The following NIBAN1 variants were observed in gnomAD, a reference collection of about 807,000 sequenced individuals.
The protein encoded by NIBAN1 is niban apoptosis regulator 1, also known as protein Niban 1.
NIBAN1 carries 81 observed loss-of-function variants against 75.1 expected under a neutral mutation model. That is an observed-to-expected ratio of 1.08 (90% CI 0.90 to 1.30). The LOEUF (loss-of-function observed/expected upper bound fraction) is 1.30. Ranked by LOEUF, NIBAN1 falls within the 50% of genes most tolerant of loss-of-function variation. The pLI is 0.00. For missense variants in NIBAN1, 1,133 were observed against 1,128.1 expected, an observed-to-expected ratio of 1.00 and a Z score of -0.06; for synonymous variants, 436 against 424.8, an observed-to-expected ratio of 1.03 and a Z score of -0.32.
At chr1:184,843,616 C>T (rs1384984678) in intron 5 of NIBAN1, among the ~76,000 whole-genome samples, 1 of 152,184 alleles carries the variant, frequency 6.6e-6, no homozygotes, top group Non-Finnish European at 1.5e-5. Flanking sequence ...AACAATGACA[C>T]AATCAATTAT....
chr1:184,894,004 G>A (rs1369780065), intron 3 of NIBAN1, 71 bp downstream of exon 3: 1 of 1,474,372 alleles, frequency 6.8e-7, no homozygotes, highest in Non-Finnish European at 9.1e-7. Context: ...GGAAGGAGAG[G>A]GCACACCAAT....
At chr1:184,913,322 GATC>G (rs906149958) in intron 1 of NIBAN1, among the ~76,000 whole-genome samples, 16 of 151,914 alleles carry the variant, frequency 1.1e-4, no homozygotes, top group African/African-American at 3.9e-4. Context: ...TATCATAGGA[GATC>G]ATCATTTACA....
At chr1:184,884,326 T>G (rs1327150880) in intron 5 of NIBAN1, among the ~76,000 whole-genome samples, 1 of 146,962 alleles carries the variant, frequency 6.8e-6, no homozygotes, top group East Asian at 2.1e-4. Context: ...CGGGTTCAAG[T>G]AATTCTCCTG....
intron 1 of NIBAN1, among the ~76,000 whole-genome samples, chr1:184,902,497 T>A (rs1394571305): frequency 1.3e-5 from 2 of 152,180 alleles, no homozygotes; most frequent in African/African-American, 4.8e-5. Context: ...AAAATGATGA[T>A]GATAATGGTG....
chr1:184,902,214 C>CGCTCT (rs1031272177), intron 1 of NIBAN1, among the ~76,000 whole-genome samples: 3 of 151,950 alleles, frequency 2.0e-5, no homozygotes, highest in Non-Finnish European at 2.9e-5. Context: ...GCCTGGGAAA[C>CGCTCT]AGAGCAAGAC....
chr1:184,893,314 T>G (rs1002975547), intron 3 of NIBAN1, among the ~76,000 whole-genome samples: 16 of 152,292 alleles, frequency 1.1e-4, no homozygotes, highest in African/African-American at 3.6e-4. Flanking sequence ...ATGGCACAAC[T>G]TGACCTAACC....
At chr1:184,833,991 A>G (rs913525359) in intron 5 of NIBAN1, among the ~76,000 whole-genome samples, 1 of 151,616 alleles carries the variant, frequency 6.6e-6, no homozygotes, top group Non-Finnish European at 1.5e-5. Context: ...TATTTCTCCT[A>G]ATGTTATCCC....
chr1:184,904,331 AT>A (rs973587317), intron 1 of NIBAN1, among the ~76,000 whole-genome samples: 2 of 151,918 alleles, frequency 1.3e-5, no homozygotes, highest in African/African-American at 4.8e-5. Context: ...CCCACCCTAA[AT>A]TTTTTTTCTT....
intron 5 of NIBAN1, among the ~76,000 whole-genome samples, chr1:184,836,916 T>C (rs941192088): frequency 2.6e-5 from 4 of 152,270 alleles, no homozygotes; most frequent in African/African-American, 9.6e-5. Flanking sequence ...CATTGTAAGT[T>C]GCTTTATATA....
intron 5 of NIBAN1, among the ~76,000 whole-genome samples, chr1:184,871,219 T>C (rs1265797544): frequency 2.0e-5 from 3 of 151,796 alleles, no homozygotes; most frequent in Non-Finnish European, 1.5e-5. Flanking sequence ...TGGTGGTGTG[T>C]GCCTGTAATC....
rs561555517 is a variant in NIBAN1 at position 184,819,449 on chromosome 1, G to A, written c.986-624C>T. ...AAAATGTAGAATACATTTTGATCAC[G>A]AAGAAGAATGAAAAAATGCCACTAT... On this transcript the variant is annotated intron_variant, in intron 8 of 13. Transcript: ENST00000367511. 2.0e-5 allele frequency among the ~76,000 whole-genome samples: 3 copies of A among 152,190 alleles called. No homozygotes were observed. In the South Asian group the frequency reaches 6.2e-4, roughly 32 times the overall value.
chr1:184,876,345 CAT>C (rs1465341507), intron 5 of NIBAN1, among the ~76,000 whole-genome samples: 1 of 151,906 alleles, frequency 6.6e-6, no homozygotes, highest in East Asian at 1.9e-4. Flanking sequence ...AAACTTCAAA[CAT>C]AAACAGAATG....
At chr1:184,967,849 G>C (rs1229255478) in intron 1 of NIBAN1, among the ~76,000 whole-genome samples, 1 of 152,146 alleles carries the variant, frequency 6.6e-6, no homozygotes, top group Non-Finnish European at 1.5e-5. Context: ...ACAAGTACAG[G>C]AGAAAATGTT....
chr1:184,913,137 GTATA>G (rs56098797), intron 1 of NIBAN1, among the ~76,000 whole-genome samples: 1 of 109,742 alleles, frequency 9.1e-6, no homozygotes. Context: ...TATCATGCAG[GTATA>G]TATATATATA....
chr1:184,855,240 T>G lies in NIBAN1; in HGVS notation c.602-23278A>C, dbSNP rs1655644492. ...AATATTCCAGACCAATTATAATTAT[T>G]AACAACTGTAAAAAGCTAATGTTTA... On this transcript the variant is annotated intron_variant, in intron 5 of 13. Transcript: ENST00000367511. Among the ~76,000 whole-genome samples the G allele has an allele frequency of 3.3e-5, 5 of 152,364 alleles. No individual in the cohort carries two copies. In the South Asian group the frequency reaches 1.0e-3, roughly 32 times the overall value.
intron 1 of NIBAN1, among the ~76,000 whole-genome samples, chr1:184,961,418 GA>G (rs1457853333): frequency 6.6e-6 from 1 of 152,094 alleles, no homozygotes; most frequent in Non-Finnish European, 1.5e-5. Context: ...TCTTCACACA[GA>G]TAGCAACTTA....
intron 1 of NIBAN1, among the ~76,000 whole-genome samples, chr1:184,900,669 G>C (rs1656930067): frequency 6.6e-6 from 1 of 152,080 alleles, no homozygotes; most frequent in African/African-American, 2.4e-5. Flanking sequence ...TTGCAAAGGA[G>C]GGAAGAGAGA....
chr1:184,866,108 GAGATGTAATAGT>G lies in NIBAN1; in HGVS notation c.601+18513_601+18524del, dbSNP rs528091281. ...ACCCCTACACTCAGTACTAATGGCT[GAGATGTAATAGT>G]AGATGGGCATAGACTTGGCTTCTAG... On this transcript the variant is annotated intron_variant, in intron 5 of 13. Coordinates refer to ENST00000367511, the MANE Select transcript of NIBAN1 (RefSeq NM_052966.4). Among the ~76,000 whole-genome samples, 128 of 152,274 alleles carry G rather than the reference GAGATGTAATAGT, an allele frequency of 8.4e-4. 1 individual carries two copies. The South Asian group carries it at 0.026, about 31-fold the overall frequency.
At chr1:184,882,055 G>A (rs557385763) in intron 5 of NIBAN1, among the ~76,000 whole-genome samples, 1 of 152,264 alleles carries the variant, frequency 6.6e-6, no homozygotes, top group African/African-American at 2.4e-5. Context: ...GTTCTCAACA[G>A]AGAAGCACGG....
Sources: allele counts gnomAD v4.1 joint callset (sites outside exome capture counted in the v4.1 genomes callset), GRCh38; gene constraint gnomAD v4.1.1; transcripts MANE v1.5; gene names NCBI Gene and HGNC (gene_info 2026-07-23, HGNC 2026-07-21).